Variants in NXPH2 observed in about 807,000 individuals in gnomAD.
NXPH2 encodes neurexophilin-2.
In NXPH2, 5 loss-of-function variants were observed where a neutral mutation model predicts 19.8. The ratio of observed to expected loss-of-function variants is 0.25; its 90% CI spans 0.13 to 0.53. The LOEUF (loss-of-function observed/expected upper bound fraction) is 0.53. Among genes scored for constraint, NXPH2 ranks in the 20% least tolerant of loss-of-function variants. The pLI, the probability that NXPH2 is intolerant of heterozygous loss-of-function variation, is 0.96. For synonymous variants in NXPH2, 154 were observed against 127.4 expected, an observed-to-expected ratio of 1.21 and a Z score of -1.41; for missense variants, 289 against 322.8, an observed-to-expected ratio of 0.90 and a Z score of 0.80.
intron 1 of NXPH2, among the ~76,000 whole-genome samples, chr2:138,699,987 G>A (rs1404313597): frequency 1.3e-5 from 2 of 152,090 alleles, no homozygotes; most frequent in Admixed American, 1.3e-4. Flanking sequence ...ATACATCCTT[G>A]TGCTGGGCTG....
Position 138,671,054 on chromosome 2 carries a change from A to G in NXPH2, c.663T>C (p.Ser221=). ...CCTTGAAGGGCTTGGAGCACAACCA[A>G]GACACATGGCTCTGAGTCTGCTCCT... ...CYQEQTQSHV[S]WLCSKPFKVI... The change falls in exon 2 of 2, where the codon TCT becomes TCC. Residue 221 remains serine, a synonymous_variant. Transcript: ENST00000272641. 1 of 1,614,026 alleles carries G rather than the reference A, an allele frequency of 6.2e-7. No individual in the cohort carries two copies. Among genetic ancestry groups the G allele is most frequent in the Non-Finnish European group, 8.5e-7 (1 of 1,179,876 alleles).
intron 1 of NXPH2, among the ~76,000 whole-genome samples, chr2:138,682,187 A>G (rs1325333371): frequency 6.6e-6 from 1 of 152,244 alleles, no homozygotes; most frequent in Admixed American, 6.5e-5. Flanking sequence ...TCGGCATCCC[A>G]TTTGAATATA....
chr2:138,692,876 G>A (rs1680765237), intron 1 of NXPH2, among the ~76,000 whole-genome samples: 2 of 152,096 alleles, frequency 1.3e-5, no homozygotes, highest in South Asian at 4.1e-4. Flanking sequence ...ACTCTGTCTC[G>A]AAATCTAAGC....
intron 1 of NXPH2, among the ~76,000 whole-genome samples, chr2:138,725,841 C>T (rs1681348595): frequency 6.6e-6 from 1 of 152,162 alleles, no homozygotes; most frequent in East Asian, 1.9e-4. Context: ...TTTTCAAATG[C>T]ATAGGTAAGA....
chr2:138,759,306 T>C (rs1681964755), intron 1 of NXPH2, among the ~76,000 whole-genome samples: 1 of 152,030 alleles, frequency 6.6e-6, no homozygotes, highest in Admixed American at 6.5e-5. Context: ...AAACAAGAAG[T>C]CATGAAGCAA....
At chr2:138,732,937 C>T (rs11685693) in intron 1 of NXPH2, among the ~76,000 whole-genome samples, 140,517 of 152,280 alleles carry the variant, frequency 0.92, 65,345 homozygotes, top group East Asian at 1. Context: ...TTTGGTATTC[C>T]ATAAAATAAA....
At chr2:138,681,243 GT>G (rs1680576004) in intron 1 of NXPH2, among the ~76,000 whole-genome samples, 1 of 152,130 alleles carries the variant, frequency 6.6e-6, no homozygotes, top group Non-Finnish European at 1.5e-5. Context: ...ATGTTTATAG[GT>G]GTGTTAAAAA....
chr2:138,743,933 G>A (rs1220424462), intron 1 of NXPH2, among the ~76,000 whole-genome samples: 2 of 149,246 alleles, frequency 1.3e-5, no homozygotes, highest in Non-Finnish European at 3.0e-5. Flanking sequence ...AAACCAGGAG[G>A]TGGAGGTTGC....
At chr2:138,723,192 A>T (rs1467659574) in intron 1 of NXPH2, among the ~76,000 whole-genome samples, 1 of 152,186 alleles carries the variant, frequency 6.6e-6, no homozygotes, top group Non-Finnish European at 1.5e-5. Flanking sequence ...AGACAAACAA[A>T]CTGGGTCCAT....
At chr2:138,723,599 C>A (rs530225464) in intron 1 of NXPH2, among the ~76,000 whole-genome samples, 308 of 152,292 alleles carry the variant, frequency 2.0e-3, no homozygotes, top group Non-Finnish European at 3.5e-3. Flanking sequence ...CTCACAGGCC[C>A]CCTGGCTTTA....
At chr2:138,760,779 T>C (rs1681999210) in intron 1 of NXPH2, among the ~76,000 whole-genome samples, 1 of 152,198 alleles carries the variant, frequency 6.6e-6, no homozygotes, top group African/African-American at 2.4e-5. Flanking sequence ...ATACTAAAAG[T>C]TGTGAACTGC....
intron 1 of NXPH2, among the ~76,000 whole-genome samples, chr2:138,704,721 C>T (rs1286703767): frequency 6.6e-6 from 1 of 152,124 alleles, no homozygotes; most frequent in Admixed American, 6.6e-5. Context: ...GTGGCACAAT[C>T]ATGTCTTAAT....
chr2:138,729,425 C>T (rs1242607340), intron 1 of NXPH2, among the ~76,000 whole-genome samples: 1 of 152,194 alleles, frequency 6.6e-6, no homozygotes. Context: ...TGAGGCCTCT[C>T]CAGCCTTATG....
At chr2:138,760,740 C>T (rs922224800) in intron 1 of NXPH2, among the ~76,000 whole-genome samples, 2 of 152,182 alleles carry the variant, frequency 1.3e-5, no homozygotes, top group Non-Finnish European at 2.9e-5. Context: ...CAAGAACTTG[C>T]ATTTTTAGAA....
intron 1 of NXPH2, among the ~76,000 whole-genome samples, chr2:138,770,894 A>G (rs190199596): frequency 6.6e-6 from 1 of 152,252 alleles, no homozygotes. Flanking sequence ...AAATGTGAAA[A>G]CATGCTTTAT....
intron 1 of NXPH2, among the ~76,000 whole-genome samples, chr2:138,687,012 T>C (rs1169645444): frequency 1.3e-5 from 2 of 152,238 alleles, no homozygotes; most frequent in Non-Finnish European, 2.9e-5. Context: ...GCAATAAACA[T>C]ATGTGTGCAT....
chr2:138,673,729 C>T (rs1680445898), intron 1 of NXPH2, among the ~76,000 whole-genome samples: 1 of 150,962 alleles, frequency 6.6e-6, no homozygotes, highest in Non-Finnish European at 1.5e-5. Flanking sequence ...CCTCCTGCCT[C>T]ATCCTCCCTA....
rs149169709 is a variant in NXPH2, at chr2:138,752,877, T to C, written c.51+27314A>G. Among the ~76,000 whole-genome samples, 473 of 152,300 alleles carry C rather than the reference T, an allele frequency of 3.1e-3. 5 individuals carry two copies. The highest frequency in any genetic ancestry group is 0.011 in the African/African-American group (442 of 41,568). ...CCCATAATCAGACTGGGATTACATG[T>C]TTGGGAGAGGAATACTACATAGACA... On this transcript the variant is annotated intron_variant, in intron 1 of 1. Transcript: ENST00000272641.
intron 1 of NXPH2, among the ~76,000 whole-genome samples, chr2:138,757,322 A>G (rs1681927139): frequency 6.6e-6 from 1 of 152,144 alleles, no homozygotes; most frequent in Non-Finnish European, 1.5e-5. Flanking sequence ...GGCGTAAGGA[A>G]GAAGACACAC....
Sources: allele counts gnomAD v4.1 joint callset (sites outside exome capture counted in the v4.1 genomes callset), GRCh38; gene constraint gnomAD v4.1.1; transcripts MANE v1.5; gene names NCBI Gene and HGNC (gene_info 2026-07-23, HGNC 2026-07-21).